MYO3B: variants seen among roughly 807,000 people sequenced by gnomAD.
The protein encoded by MYO3B is myosin-IIIb.
MYO3B carries 156 observed loss-of-function variants against 174.6 expected under a neutral mutation model. The ratio of observed to expected loss-of-function variants is 0.89; its 90% CI spans 0.78 to 1.02. MYO3B has a LOEUF of 1.02. MYO3B is among the 50% of genes least tolerant of loss of function. The pLI is 0.00. For missense variants in MYO3B, 1,632 were observed against 1,639.4 expected (o/e 1.00, Z 0.08); for synonymous variants, 563 against 569.1 (o/e 0.99, Z 0.15).
At chr2:170,210,219 T>C (rs182689419) in intron 3 of MYO3B, among the ~76,000 whole-genome samples, 1 of 152,330 alleles carries the variant, frequency 6.6e-6, no homozygotes, top group East Asian at 1.9e-4. Flanking sequence ...AACTATATAA[T>C]ACCCTTTTGA....
At chr2:170,480,405 A>C (rs1685617007) in intron 25 of MYO3B, among the ~76,000 whole-genome samples, 1 of 152,200 alleles carries the variant, frequency 6.6e-6, no homozygotes, top group Non-Finnish European at 1.5e-5. Context: ...ACACCCAAGC[A>C]AGGCATGGAA....
intron 30 of MYO3B, among the ~76,000 whole-genome samples, chr2:170,532,839 T>C: frequency 7.4e-6 from 1 of 134,992 alleles, no homozygotes; most frequent in Non-Finnish European, 1.6e-5. Context: ...AAAAAAAGAG[T>C]ATCAGGTTTG....
chr2:170,457,043 T>C (rs1015428309), intron 23 of MYO3B, among the ~76,000 whole-genome samples: 2 of 152,174 alleles, frequency 1.3e-5, no homozygotes, highest in African/African-American at 2.4e-5. Flanking sequence ...TATCTAAACA[T>C]AGAAAAGATA....
chr2:170,507,250 C>G (rs982149717), intron 28 of MYO3B, among the ~76,000 whole-genome samples: 1 of 152,122 alleles, frequency 6.6e-6, no homozygotes, highest in Non-Finnish European at 1.5e-5. Flanking sequence ...CCTCCCCATC[C>G]GCCTACCCCC....
chr2:170,531,085 G>A (rs11686211), intron 30 of MYO3B, among the ~76,000 whole-genome samples: 74,037 of 152,070 alleles, frequency 0.49, 19,749 homozygotes, highest in Non-Finnish European at 0.61. Context: ...TTCTGGATCT[G>A]TGTCTGCTGA....
intron 22 of MYO3B, among the ~76,000 whole-genome samples, chr2:170,419,198 A>T (rs2094599779): frequency 6.6e-6 from 1 of 152,234 alleles, no homozygotes; most frequent in East Asian, 1.9e-4. Flanking sequence ...CTAGTGCTAG[A>T]ACCTGTCAGC....
At chr2:170,522,327 C>G (rs563931800) in intron 30 of MYO3B, among the ~76,000 whole-genome samples, 2 of 152,172 alleles carry the variant, frequency 1.3e-5, no homozygotes, top group Admixed American at 1.3e-4. Flanking sequence ...TCCACTCACC[C>G]TTCCCACTTC....
At chr2:170,422,662 T>A (rs2094625721) in intron 22 of MYO3B, among the ~76,000 whole-genome samples, 1 of 152,102 alleles carries the variant, frequency 6.6e-6, no homozygotes, top group Admixed American at 6.5e-5. Flanking sequence ...TTTCACCATG[T>A]TGGCCAGGCT....
At chr2:170,439,175 A>AG (rs928267629) in intron 22 of MYO3B, among the ~76,000 whole-genome samples, 2 of 149,906 alleles carry the variant, frequency 1.3e-5, no homozygotes, top group African/African-American at 4.9e-5. Context: ...GATTGAGTCC[A>AG]GCCTGGCTAA....
intron 25 of MYO3B, among the ~76,000 whole-genome samples, chr2:170,472,835 G>T (rs1685059945): frequency 1.3e-5 from 2 of 151,878 alleles, no homozygotes; most frequent in Admixed American, 1.3e-4. Flanking sequence ...CCAAGTAGCT[G>T]GGCCACAGGC....
intron 7 of MYO3B, among the ~76,000 whole-genome samples, chr2:170,328,125 C>T (rs1574793656): frequency 6.6e-6 from 1 of 152,058 alleles, no homozygotes; most frequent in East Asian, 1.9e-4. Context: ...TGATCTTGAA[C>T]TCTTGAGCTG....
intron 21 of MYO3B, 27 bp downstream of exon 21, chr2:170,405,660 C>T: frequency 6.2e-7 from 1 of 1,604,278 alleles, no homozygotes. Flanking sequence ...AGTTATTAGA[C>T]CTGAATTTGG....
chr2:170,546,574 T>G (rs1559103458), intron 32 of MYO3B, among the ~76,000 whole-genome samples: 2 of 152,258 alleles, frequency 1.3e-5, no homozygotes, highest in African/African-American at 4.8e-5. Flanking sequence ...AAAGGAAGTT[T>G]AGACATGAAG....
intron 32 of MYO3B, among the ~76,000 whole-genome samples, chr2:170,623,407 T>G (rs1296751581): frequency 6.6e-6 from 1 of 152,240 alleles, no homozygotes; most frequent in Non-Finnish European, 1.5e-5. Flanking sequence ...TTTGCACATT[T>G]TTTGATGGGG....
intron 22 of MYO3B, among the ~76,000 whole-genome samples, chr2:170,424,247 G>A (rs915481347): frequency 5.3e-5 from 8 of 152,198 alleles, no homozygotes; most frequent in Non-Finnish European, 1.2e-4. Context: ...CATCCTTCCA[G>A]TGTGGATCTT....
At chr2:170,400,414 T>C in intron 17 of MYO3B, 100 bp downstream of exon 17, 2 of 1,412,450 alleles carry the variant, frequency 1.4e-6, no homozygotes, top group African/African-American at 1.5e-5. Context: ...TTTTTTTTTT[T>C]TTTTTTATCG....
In MYO3B at chr2:170,387,431, G is replaced by T. The variant is rs1263052896; in HGVS notation, c.1577+123G>T. On this transcript the variant is annotated intron_variant, in intron 14 of 34. Transcript: ENST00000408978. ...TTCCCCTACCCTCCCCAAGGGCAAAGAATTATTTAAGCAAAGGATCAGTGG... is the reference window on the plus strand; with the variant it reads ...TTCCCCTACCCTCCCCAAGGGCAAATAATTATTTAAGCAAAGGATCAGTGG... 4.6e-6 allele frequency: 4 copies of T among 872,550 alleles called. No individual in the cohort carries two copies. The African/African-American group carries it at 6.8e-5, about 15-fold the overall frequency. 54.1% of individuals were successfully genotyped at this position (872,550 alleles called of 1,614,324 possible). A position where few individuals can be genotyped will look rare whatever the true frequency, so the allele number is the denominator to read the frequency against.
chr2:170,204,782 C>T (rs1022377626), intron 3 of MYO3B, among the ~76,000 whole-genome samples: 2 of 152,126 alleles, frequency 1.3e-5, no homozygotes, highest in African/African-American at 4.8e-5. Context: ...ATATGTCAAC[C>T]CTCAGGGCTG....
chr2:170,388,368 A>C (rs936342628), intron 14 of MYO3B, among the ~76,000 whole-genome samples: 5 of 152,152 alleles, frequency 3.3e-5, no homozygotes, highest in African/African-American at 1.2e-4. Flanking sequence ...AGAGAAGGGA[A>C]CGACACATAA....
Sources: gnomAD v4.1 joint callset for allele counts (sites outside exome capture counted in the v4.1 genomes callset) on GRCh38, gnomAD v4.1.1 for gene constraint, MANE v1.5 for transcripts, NCBI Gene and HGNC (gene_info 2026-07-23, HGNC 2026-07-21) for gene names.